The following VCL variants were observed in gnomAD, a reference collection of about 807,000 sequenced individuals.
The protein encoded by VCL is epididymis luminal protein 114.
A neutral mutation model predicts 125.7 loss-of-function variants in VCL; 47 were observed. The observed-to-expected ratio is 0.37, with a 90% CI of 0.30 to 0.48. VCL has a LOEUF of 0.48. VCL is among the 20% of genes least tolerant of loss of function. The pLI, the probability that VCL is intolerant of heterozygous loss-of-function variation, is 0.99. For missense variants in VCL, 1,069 were observed against 1,455.5 expected (o/e 0.73, Z 4.32); for synonymous variants, 458 against 514.6 (o/e 0.89, Z 1.49).
At chr10:74,018,022 G>C (rs568174028) in intron 1 of VCL, among the ~76,000 whole-genome samples, 11 of 150,468 alleles carry the variant, frequency 7.3e-5, no homozygotes, top group Non-Finnish European at 1.5e-4. Flanking sequence ...AACTAGGCGT[G>C]GTGGTGTATG....
Position 74,103,839 on chromosome 10 carries a change from TCTTA to T in VCL, c.2047_2050del (p.Leu683GlyfsTer15), listed in dbSNP as rs1371072862. 1 of 1,614,158 alleles carries T rather than the reference TCTTA, an allele frequency of 6.2e-7. No individual in the cohort carries two copies. The highest frequency in any genetic ancestry group is 1.7e-5 in the Admixed American group (1 of 60,030). On this transcript the variant is annotated frameshift_variant, in exon 15 of 22. Transcript: ENST00000211998. LOFTEE classifies it high-confidence loss of function. ...TGTCAGGTGGTCTCGGCTGCTCGTA[TCTTA>T]CTTAGGAACCCTGGAAATCAAGCTG... is the stretch of plus-strand genomic sequence containing the variant.
chr10:74,010,855 C>A (rs1591649253), intron 1 of VCL, among the ~76,000 whole-genome samples: 2 of 152,206 alleles, frequency 1.3e-5, no homozygotes, highest in East Asian at 3.9e-4. Context: ...CCTGAAAGAA[C>A]TTCTGGTCCC....
At chr10:74,093,396 T>C (rs1320286415) in intron 10 of VCL, among the ~76,000 whole-genome samples, 1 of 152,180 alleles carries the variant, frequency 6.6e-6, no homozygotes, top group African/African-American at 2.4e-5. Flanking sequence ...TTGGGCAAGT[T>C]ATCCAACCTC....
At chr10:74,102,551 G>A (rs1165712346) in intron 14 of VCL, among the ~76,000 whole-genome samples, 1 of 152,088 alleles carries the variant, frequency 6.6e-6, no homozygotes, top group Admixed American at 6.5e-5. Context: ...TTGTGATACT[G>A]GCTTATGTGT....
intron 8 of VCL, among the ~76,000 whole-genome samples, chr10:74,087,180 T>A (rs933675158): frequency 6.6e-6 from 1 of 152,002 alleles, no homozygotes; most frequent in African/African-American, 2.4e-5. Flanking sequence ...TCCCCTCTTC[T>A]GCCACATAAA....
chr10:74,070,909 C>T, intron 3 of VCL, 66 bp from the exon 4 acceptor site: 1 of 1,610,882 alleles, frequency 6.2e-7, no homozygotes, highest in South Asian at 1.1e-5. Flanking sequence ...GAATGCTGCA[C>T]ATCTGTGTTA....
At chr10:74,058,162 G>A (rs1355401206) in intron 2 of VCL, among the ~76,000 whole-genome samples, 1 of 152,138 alleles carries the variant, frequency 6.6e-6, no homozygotes. Flanking sequence ...TTATACTGGG[G>A]CCAGACTGGT....
At chr10:74,014,567 A>G (rs999270875) in intron 1 of VCL, among the ~76,000 whole-genome samples, 3 of 151,742 alleles carry the variant, frequency 2.0e-5, no homozygotes, top group Non-Finnish European at 4.4e-5. Flanking sequence ...AAAAAAAAAG[A>G]AAAAAAGCAA....
At chr10:74,033,238 C>G (rs1272583961) in intron 1 of VCL, among the ~76,000 whole-genome samples, 10 of 152,118 alleles carry the variant, frequency 6.6e-5, no homozygotes, top group Non-Finnish European at 1.3e-4. Flanking sequence ...ATGAAAGAAG[C>G]TAGTCACTAA....
chr10:74,022,430 C>G (rs185047063), intron 1 of VCL, among the ~76,000 whole-genome samples: 47 of 151,904 alleles, frequency 3.1e-4, no homozygotes, highest in African/African-American at 1.1e-3. Context: ...CCTGTAGTTA[C>G]AGCTACTCCG....
chr10:74,013,481 G>A (rs961924444), intron 1 of VCL, among the ~76,000 whole-genome samples: 3 of 151,778 alleles, frequency 2.0e-5, no homozygotes, highest in Non-Finnish European at 4.4e-5. Flanking sequence ...GCCATCTTTG[G>A]CAAAATGTGG....
At chr10:74,007,142 A>G (rs1401890681) in intron 1 of VCL, among the ~76,000 whole-genome samples, 3 of 152,012 alleles carry the variant, frequency 2.0e-5, no homozygotes, top group Non-Finnish European at 4.4e-5. Context: ...TTGTATTTTT[A>G]GTAGTATTTA....
chr10:74,069,084 G>A (rs3012027), intron 2 of VCL, among the ~76,000 whole-genome samples: 51,087 of 151,308 alleles, frequency 0.34, 10,438 homozygotes, highest in Non-Finnish European at 0.47. Flanking sequence ...TGGAGACAGA[G>A]TCTAACTCTG....
intron 2 of VCL, among the ~76,000 whole-genome samples, chr10:74,048,934 C>G (rs141368960): frequency 5.4e-4 from 82 of 152,192 alleles, no homozygotes; most frequent in African/African-American, 1.9e-3. Context: ...CGGTGAAACC[C>G]CGTCTCTACT....
intron 1 of VCL, among the ~76,000 whole-genome samples, chr10:74,040,232 TAG>T (rs1481766600): frequency 6.6e-6 from 1 of 152,248 alleles, no homozygotes; most frequent in Non-Finnish European, 1.5e-5. Flanking sequence ...CTCTCCCTAC[TAG>T]ACTGTAAGTT....
chr10:74,023,428 A>G (rs1194865198), intron 1 of VCL, among the ~76,000 whole-genome samples: 1 of 152,240 alleles, frequency 6.6e-6, no homozygotes, highest in Non-Finnish European at 1.5e-5. Context: ...ATTGTCTAAA[A>G]GCACATTTCT....
intron 6 of VCL, 177 bp downstream of exon 6, chr10:74,075,080 T>G: frequency 1.2e-6 from 1 of 825,606 alleles, no homozygotes; most frequent in Non-Finnish European, 1.9e-6. Flanking sequence ...TCTTTGCTAA[T>G]TTCCTTTGTT....
chr10:74,034,928 G>C (rs1840944078), intron 1 of VCL, among the ~76,000 whole-genome samples: 1 of 152,190 alleles, frequency 6.6e-6, no homozygotes, highest in Admixed American at 6.5e-5. Flanking sequence ...TGGTTGTTCA[G>C]TATAATGGAT....
intron 18 of VCL, among the ~76,000 whole-genome samples, chr10:74,111,243 G>C (rs1840214374): frequency 6.6e-6 from 1 of 152,216 alleles, no homozygotes. Context: ...CTGGGTGACA[G>C]TGGGGTACTT....
Sources: gnomAD v4.1 joint callset for allele counts (sites outside exome capture counted in the v4.1 genomes callset) on GRCh38, gnomAD v4.1.1 for gene constraint, MANE v1.5 for transcripts, NCBI Gene and HGNC (gene_info 2026-07-23, HGNC 2026-07-21) for gene names.